The following ADARB2 variants were observed in gnomAD, a reference collection of about 807,000 sequenced individuals.
ADARB2 encodes the protein adenosine deaminase RNA specific B2 (inactive).
Under a neutral mutation model 62.2 loss-of-function variants are expected in ADARB2, and 25 were observed. The observed-to-expected ratio is 0.40, with a 90% CI of 0.29 to 0.56. The LOEUF is 0.56. Among genes scored for constraint, ADARB2 ranks in the 20% least tolerant of loss-of-function variants. ADARB2 has a pLI of 0.43. For synonymous variants in ADARB2, 572 were observed against 500.8 expected, an observed-to-expected ratio of 1.14 and a Z score of -1.90; for missense variants, 1,071 against 1,077.4, an observed-to-expected ratio of 0.99 and a Z score of 0.08.
chr10:1,375,999 GAC>G (rs1177028230), intron 2 of ADARB2, among the ~76,000 whole-genome samples: 5 of 149,658 alleles, frequency 3.3e-5, no homozygotes, highest in Admixed American at 2.7e-4. Context: ...ACACGCACAT[GAC>G]ACATATACAC....
At chr10:1,258,897 A>C (rs1472055627) in intron 4 of ADARB2, among the ~76,000 whole-genome samples, 2 of 152,234 alleles carry the variant, frequency 1.3e-5, no homozygotes, top group Non-Finnish European at 2.9e-5. Context: ...ACATAGTTGG[A>C]AGTAAAGCAC....
chr10:1,387,892 T>C (rs1405342483), intron 1 of ADARB2, among the ~76,000 whole-genome samples: 3 of 152,106 alleles, frequency 2.0e-5, no homozygotes, highest in Non-Finnish European at 2.9e-5. Flanking sequence ...AATGTTAATG[T>C]ATCATGAACC....
At chr10:1,475,437 G>A (rs994570331) in intron 1 of ADARB2, among the ~76,000 whole-genome samples, 3 of 152,184 alleles carry the variant, frequency 2.0e-5, no homozygotes, top group Non-Finnish European at 2.9e-5. Flanking sequence ...TACCCATCCC[G>A]GGCCCCAGCG....
chr10:1,349,393 G>A (rs1321026383), intron 3 of ADARB2, among the ~76,000 whole-genome samples: 1 of 152,114 alleles, frequency 6.6e-6, no homozygotes, highest in Non-Finnish European at 1.5e-5. Flanking sequence ...AAGCCTGTTT[G>A]GTGGTCCTTT....
chr10:1,651,507 G>C (rs1223625083), intron 1 of ADARB2, among the ~76,000 whole-genome samples: 1 of 152,246 alleles, frequency 6.6e-6, no homozygotes, highest in South Asian at 2.1e-4. Context: ...CCCTTTGCTT[G>C]TGCACGCCTA....
At chr10:1,410,782 A>G (rs1052314100) in intron 1 of ADARB2, among the ~76,000 whole-genome samples, 1 of 152,048 alleles carries the variant, frequency 6.6e-6, no homozygotes, top group African/African-American at 2.4e-5. Context: ...CGTCGGTGCA[A>G]TTTTACCTGC....
At chr10:1,234,253 T>C (rs1379989837) in intron 5 of ADARB2, among the ~76,000 whole-genome samples, 2 of 152,052 alleles carry the variant, frequency 1.3e-5, no homozygotes, top group East Asian at 3.9e-4. Context: ...TCTCCCGAAG[T>C]GCTGGGATTA....
At chr10:1,318,923 G>A (rs1831770102) in intron 3 of ADARB2, among the ~76,000 whole-genome samples, 1 of 152,188 alleles carries the variant, frequency 6.6e-6, no homozygotes, top group Non-Finnish European at 1.5e-5. Context: ...AGGGTAGATG[G>A]ACCGTGCTCC....
At chr10:1,653,107 CTGT>C (rs1254047804) in intron 1 of ADARB2, among the ~76,000 whole-genome samples, 3 of 152,194 alleles carry the variant, frequency 2.0e-5, no homozygotes, top group East Asian at 1.9e-4. Flanking sequence ...CAATGTGAGG[CTGT>C]TGTTGTCTCC....
At position 1,455,830 on chromosome 10, in the gene ADARB2, C is replaced by T. The variant is rs554805397; in HGVS notation, c.101-76670G>A. Among the ~76,000 whole-genome samples, 4 of 152,264 alleles carry T rather than the reference C, an allele frequency of 2.6e-5. No individual in the cohort carries two copies. In the South Asian group the frequency reaches 8.3e-4, roughly 32 times the overall value. ...TTTTTATATCTAGAAACTATTCCCC[C>T]CTTCTGTCTATTTCTCACCTATCAC... On this transcript the variant is annotated intron_variant, in intron 1 of 9. Transcript: ENST00000381312.
chr10:1,187,528 A>T (rs1836776946), intron 8 of ADARB2, among the ~76,000 whole-genome samples: 1 of 152,102 alleles, frequency 6.6e-6, no homozygotes, highest in African/African-American at 2.4e-5. Context: ...TCTACACAGG[A>T]CCTCCTGGTT....
intron 1 of ADARB2, among the ~76,000 whole-genome samples, chr10:1,670,268 T>G (rs1834368133): frequency 6.6e-6 from 1 of 152,204 alleles, no homozygotes; most frequent in Non-Finnish European, 1.5e-5. Flanking sequence ...ATTTGGAAGG[T>G]TTTGCATCAA....
At chr10:1,265,023 C>A (rs1334047641) in intron 4 of ADARB2, among the ~76,000 whole-genome samples, 2 of 152,176 alleles carry the variant, frequency 1.3e-5, no homozygotes, top group Non-Finnish European at 2.9e-5. Context: ...AAAATAATTT[C>A]CCATAAAGAG....
intron 3 of ADARB2, among the ~76,000 whole-genome samples, chr10:1,280,743 T>C (rs1198513365): frequency 1.3e-5 from 2 of 152,024 alleles, no homozygotes; most frequent in Admixed American, 6.6e-5. Flanking sequence ...TCCTAAGTGA[T>C]GCTCCGTGAA....
rs138562795 is a variant in ADARB2 at position 1,388,103 on chromosome 10, G to T, written c.101-8943C>A. On this transcript the variant is annotated intron_variant, in intron 1 of 9. Coordinates refer to ENST00000381312, the MANE Select transcript of ADARB2 (RefSeq NM_018702.4). ...TAAGTTAAAGATAAATAAATAGAAAGATACACCATTTTCACAGAATTCAAG... is the reference window on the plus strand; with the variant it reads ...TAAGTTAAAGATAAATAAATAGAAATATACACCATTTTCACAGAATTCAAG... Among the ~76,000 whole-genome samples, 273 of 152,066 alleles carry T rather than the reference G, an allele frequency of 1.8e-3. 1 individual carries two copies. Among genetic ancestry groups the T allele is most frequent in the Non-Finnish European group, 2.1e-3 (143 of 67,886 alleles).
In ADARB2 at chr10:1,402,515, C is replaced by A. The variant is rs533663499; in HGVS notation, c.101-23355G>T. Among the ~76,000 whole-genome samples, 6 of 152,268 alleles carry A rather than the reference C, an allele frequency of 3.9e-5. No homozygotes were observed. The East Asian group carries it at 1.2e-3, about 29-fold the overall frequency. On this transcript the variant is annotated intron_variant, in intron 1 of 9. Coordinates refer to ENST00000381312, the MANE Select transcript of ADARB2 (RefSeq NM_018702.4). ...GGAAATGCGGGCTGGTGCAGTATGT[C>A]ATTTACATCAAACTGTGAATTCTCA...
At chr10:1,412,851 T>C (rs1832770822) in intron 1 of ADARB2, among the ~76,000 whole-genome samples, 1 of 152,214 alleles carries the variant, frequency 6.6e-6, no homozygotes, top group African/African-American at 2.4e-5. Flanking sequence ...CATAGAATTG[T>C]CTTGAATATC....
At chr10:1,641,565 T>A (rs10903522) in intron 1 of ADARB2, among the ~76,000 whole-genome samples, 75,093 of 152,082 alleles carry the variant, frequency 0.49, 20,764 homozygotes, top group East Asian at 0.69. Context: ...TTCTTTAAGG[T>A]CTTAGGGAGC....
intron 8 of ADARB2, chr10:1,187,850 G>T: frequency 2.3e-6 from 1 of 439,788 alleles, no homozygotes; most frequent in Non-Finnish European, 4.7e-6. Context: ...CTTCTCACCA[G>T]GGTGTGGTCC....
Sources: gnomAD v4.1 joint callset for allele counts (sites outside exome capture counted in the v4.1 genomes callset) on GRCh38, gnomAD v4.1.1 for gene constraint, MANE v1.5 for transcripts, NCBI Gene and HGNC (gene_info 2026-07-23, HGNC 2026-07-21) for gene names.